NAV1: variants seen among roughly 807,000 people sequenced by gnomAD.
The protein encoded by NAV1 is neuron navigator 1, also known as pore membrane and/or filament interacting like protein 3.
A neutral mutation model predicts 175.2 loss-of-function variants in NAV1; 18 were observed. That is an observed-to-expected ratio of 0.10 (90% CI 0.07 to 0.15). NAV1 has a LOEUF of 0.15. NAV1 is among the 10% of genes least tolerant of loss of function. The pLI, the probability that NAV1 is intolerant of heterozygous loss-of-function variation, is 1.00. For synonymous variants in NAV1, 897 were observed against 978.7 expected (o/e 0.92, Z 1.56); for missense variants, 1,731 against 2,436.6 (o/e 0.71, Z 6.10).
At chr1:201,743,812 T>C (rs1322236239) in intron 3 of NAV1, among the ~76,000 whole-genome samples, 1 of 152,248 alleles carries the variant, frequency 6.6e-6, no homozygotes, top group East Asian at 1.9e-4. Context: ...TATATGCTAA[T>C]GAGGATGGCA....
chr1:201,726,106 T>G (rs1054402760), intron 3 of NAV1, among the ~76,000 whole-genome samples: 3 of 152,224 alleles, frequency 2.0e-5, no homozygotes, highest in Non-Finnish European at 4.4e-5. Flanking sequence ...GACTCCAGAT[T>G]CATACACATA....
intron 2 of NAV1, among the ~76,000 whole-genome samples, chr1:201,635,268 A>G (rs1168161224): frequency 2.0e-5 from 3 of 151,560 alleles, no homozygotes; most frequent in Non-Finnish European, 4.4e-5. Flanking sequence ...GATGGTTTCA[A>G]TCTCCTGACC....
At chr1:201,781,239 G>T in exon 5 of NAV1, 1 of 1,613,968 alleles carries the variant, frequency 6.2e-7, no homozygotes, top group Non-Finnish European at 8.5e-7. Flanking sequence ...CCCTGAAGAA[G>T]GGCAAGACCC....
chr1:201,788,212 T>G lies in NAV1; in HGVS notation c.2996-256T>G, dbSNP rs1676889466. On this transcript the variant is annotated intron_variant, in intron 9 of 29. Coordinates refer to ENST00000367296, the Ensembl canonical transcript of NAV1. The surrounding 1 kb of genome is among the most constrained non-coding windows in gnomAD (Gnocchi z 5.7). ...GCAACAACTCTGAGGCAGGCAGGGT[T>G]GAGGGAAGGTCTTTATTCCAGACAG... Among the ~76,000 whole-genome samples the G allele has an allele frequency of 6.6e-6, 1 of 152,158 alleles. No individual in the cohort carries two copies. The highest frequency in any genetic ancestry group is 1.5e-5 in the Non-Finnish European group (1 of 68,002).
At chr1:201,770,557 G>C (rs1001466994) in intron 3 of NAV1, among the ~76,000 whole-genome samples, 1 of 152,152 alleles carries the variant, frequency 6.6e-6, no homozygotes, top group Non-Finnish European at 1.5e-5. Context: ...AGATATCTAA[G>C]GATGCAAAGT....
At chr1:201,744,765 G>C (rs1673664684) in intron 3 of NAV1, among the ~76,000 whole-genome samples, 2 of 152,318 alleles carry the variant, frequency 1.3e-5, no homozygotes, top group South Asian at 4.1e-4. Context: ...GAAAGAGGGG[G>C]AAGTTTTTCC....
intron 3 of NAV1, among the ~76,000 whole-genome samples, chr1:201,747,130 G>C (rs1030484899): frequency 3.9e-5 from 6 of 152,288 alleles, no homozygotes; most frequent in African/African-American, 1.4e-4. Flanking sequence ...GGATCAATAG[G>C]TAATGTATAA....
At chr1:201,684,500 G>T in intron 1 of NAV1, among the ~76,000 whole-genome samples, 1 of 129,288 alleles carries the variant, frequency 7.7e-6, no homozygotes. Context: ...TTTAGACAGA[G>T]TCTCACTCTT....
exon 30 of NAV1, chr1:201,824,988 A>T (rs1445077957): frequency 6.6e-6 from 1 of 152,206 alleles, no homozygotes; most frequent in Non-Finnish European, 1.5e-5. Flanking sequence ...TCCCACACTG[A>T]GAGGCTTTGG....
At chr1:201,662,948 A>T (rs1293881960) in intron 1 of NAV1, among the ~76,000 whole-genome samples, 2 of 77,326 alleles carry the variant, frequency 2.6e-5, no homozygotes, top group African/African-American at 9.4e-5. Flanking sequence ...CCATGTTTCC[A>T]GGGGAAAGGG....
intron 3 of NAV1, among the ~76,000 whole-genome samples, chr1:201,773,399 G>A (rs1183871339): frequency 6.6e-6 from 1 of 152,110 alleles, no homozygotes; most frequent in African/African-American, 2.4e-5. Context: ...GCTAATGAAG[G>A]TTTTGCTAAG....
intron 29 of NAV1, among the ~76,000 whole-genome samples, chr1:201,818,652 C>A (rs1418685832): frequency 6.6e-6 from 1 of 152,070 alleles, no homozygotes; most frequent in Non-Finnish European, 1.5e-5. Flanking sequence ...ACAAGAGATA[C>A]CACTTCACAT....
chr1:201,730,541 T>G (rs1672809589), intron 3 of NAV1, among the ~76,000 whole-genome samples: 1 of 151,832 alleles, frequency 6.6e-6, no homozygotes, highest in Non-Finnish European at 1.5e-5. Flanking sequence ...GGACAGAGAC[T>G]CTGTCTTCTC....
At chr1:201,638,102 C>G (rs1045385270) in intron 2 of NAV1, among the ~76,000 whole-genome samples, 3 of 152,158 alleles carry the variant, frequency 2.0e-5, no homozygotes, top group Admixed American at 6.5e-5. Flanking sequence ...AGCAGAGATT[C>G]TCTAGCTCCT....
At chr1:201,612,560 C>G (rs890259108) in intron 2 of NAV1, among the ~76,000 whole-genome samples, 4 of 152,186 alleles carry the variant, frequency 2.6e-5, no homozygotes, top group Admixed American at 2.6e-4. Context: ...CTGGTGAAGG[C>G]CTGTTCCCCA....
chr1:201,793,900 A>T (rs764857442), intron 14 of NAV1, 25 bp downstream of exon 18: 10 of 269,624 alleles, frequency 3.7e-5, no homozygotes, highest in Non-Finnish European at 6.9e-5. Flanking sequence ...AAAGGGTGGG[A>T]GGGGTGGGTG....
intron 1 of NAV1, among the ~76,000 whole-genome samples, chr1:201,567,588 G>A (rs1183567866): frequency 6.6e-6 from 1 of 152,206 alleles, no homozygotes; most frequent in Non-Finnish European, 1.5e-5. Flanking sequence ...TCTACTGTGT[G>A]TGTAGACAAT....
intron 3 of NAV1, among the ~76,000 whole-genome samples, chr1:201,742,472 G>A (rs908307168): frequency 6.6e-6 from 1 of 152,178 alleles, no homozygotes; most frequent in Non-Finnish European, 1.5e-5. Flanking sequence ...ATGGAAGCCT[G>A]TGCCCACAAG....
chr1:201,661,295 G>A (rs1045180345), intron 1 of NAV1, among the ~76,000 whole-genome samples: 4 of 152,122 alleles, frequency 2.6e-5, no homozygotes, highest in African/African-American at 4.8e-5. Context: ...AGCATTCCTC[G>A]AGAGTCAGTA....
Sources: gnomAD v4.1 joint callset for allele counts (sites outside exome capture counted in the v4.1 genomes callset) on GRCh38, gnomAD v4.1.1 for gene constraint, Gnocchi (gnomAD v3.1) non-coding constraint, MANE v1.5 for transcripts, NCBI Gene and HGNC (gene_info 2026-07-23, HGNC 2026-07-21) for gene names.